Variants in FBXL13 observed in about 807,000 individuals in gnomAD.
FBXL13 encodes the protein F-box and leucine-rich repeat protein 13.
A neutral mutation model predicts 83.6 loss-of-function variants in FBXL13; 67 were observed. That is an observed-to-expected ratio of 0.80 (90% CI 0.66 to 0.98). The LOEUF (loss-of-function observed/expected upper bound fraction) is 0.98, where lower values mean the gene tolerates loss of function less well. FBXL13 is among the 50% of genes least tolerant of loss of function. The probability of loss-of-function intolerance (pLI) is 0.00; values close to 1 mark genes in which losing one functional copy is unlikely to be tolerated. For missense variants in FBXL13, 822 were observed against 866.5 expected (o/e 0.95, Z 0.64); for synonymous variants, 272 against 299.5 (o/e 0.91, Z 0.95).
intron 9 of FBXL13, among the ~76,000 whole-genome samples, chr7:102,927,546 C>T (rs1183774581): frequency 6.6e-6 from 1 of 152,196 alleles, no homozygotes; most frequent in African/African-American, 2.4e-5. Context: ...GTCAGAGCAT[C>T]TGTCACACTC....
At chr7:103,008,652 G>A (rs1020220817) in intron 6 of FBXL13, among the ~76,000 whole-genome samples, 4 of 152,034 alleles carry the variant, frequency 2.6e-5, no homozygotes, top group African/African-American at 9.7e-5. Flanking sequence ...CCGCCTCCAG[G>A]GTTCAAGAGA....
chr7:102,958,035 G>A (rs923631398), intron 8 of FBXL13, among the ~76,000 whole-genome samples: 1 of 152,012 alleles, frequency 6.6e-6, no homozygotes, highest in African/African-American at 2.4e-5. Flanking sequence ...CCCATTACTG[G>A]GTATATACCC....
At chr7:102,921,129 G>A (rs1816916184) in intron 10 of FBXL13, among the ~76,000 whole-genome samples, 1 of 152,144 alleles carries the variant, frequency 6.6e-6, no homozygotes, top group African/African-American at 2.4e-5. Context: ...TCCAGCCTGG[G>A]CAACAGGGCG....
At chr7:102,985,729 A>G (rs976703734) in intron 6 of FBXL13, among the ~76,000 whole-genome samples, 1 of 152,224 alleles carries the variant, frequency 6.6e-6, no homozygotes. Context: ...TCCAGTCAGC[A>G]GTTCACATAA....
intron 11 of FBXL13, among the ~76,000 whole-genome samples, chr7:102,888,245 A>C (rs1200814621): frequency 6.6e-6 from 1 of 152,178 alleles, no homozygotes. Context: ...GACAAGACTG[A>C]AAAGAATTCC....
intron 1 of FBXL13, among the ~76,000 whole-genome samples, chr7:103,063,731 T>TTC (rs1798137915): frequency 2.0e-5 from 3 of 150,302 alleles, no homozygotes; most frequent in Admixed American, 6.6e-5. Flanking sequence ...TTTTTTTTTT[T>TTC]TTCTGTAGAG....
Position 102,973,469 on chromosome 7 carries a change from C to CT in FBXL13, c.496-5353dup. ...CCTGTTTACGGAAGACTATAAAACC[C>CT]TGCCCCCTACTCATTTGGTGCTGAC... is the stretch of plus-strand genomic sequence containing the variant. On this transcript the variant is annotated intron_variant, in intron 6 of 19. Transcript: ENST00000313221. 7 of 756,798 alleles carry CT rather than the reference C, an allele frequency of 9.2e-6. No homozygotes were observed. The South Asian group carries it at 9.6e-5, about 10-fold the overall frequency. The allele number at this position is 756,798 out of a possible 1,614,324, so 46.9% of individuals were successfully genotyped here.
chr7:102,838,508 T>C lies in FBXL13; in HGVS notation c.1720-5534A>G, dbSNP rs190525793. ...CTCTGTCACCCAGGCTGGAGTGCAG[T>C]GGTGTAGGGAAAAGAGAGATCAGAC... On this transcript the variant is annotated intron_variant, in intron 17 of 19. Coordinates refer to ENST00000313221, the Ensembl canonical transcript of FBXL13. Among the ~76,000 whole-genome samples, 288 of 151,978 alleles carry C rather than the reference T, an allele frequency of 1.9e-3. 3 individuals carry two copies. Among genetic ancestry groups the C allele is most frequent in the South Asian group, 0.017 (83 of 4,782 alleles).
chr7:102,931,135 T>G (rs1819093906), intron 9 of FBXL13, among the ~76,000 whole-genome samples: 1 of 152,090 alleles, frequency 6.6e-6, no homozygotes, highest in Admixed American at 6.5e-5. Context: ...AAAGCACCAC[T>G]TGGGGACAAA....
At chr7:102,923,605 G>A (rs189262349) in intron 10 of FBXL13, among the ~76,000 whole-genome samples, 163 of 150,244 alleles carry the variant, frequency 1.1e-3, no homozygotes, top group African/African-American at 3.5e-3. Context: ...GGCGGATCAC[G>A]AGGTCAGGAG....
intron 11 of FBXL13, among the ~76,000 whole-genome samples, chr7:102,912,671 A>ATCCCC (rs1814922725): frequency 1.4e-5 from 1 of 73,538 alleles, no homozygotes; most frequent in Non-Finnish European, 2.9e-5. Context: ...ATAGCATTTT[A>ATCCCC]CCCCCCCCCC....
At chr7:102,826,929 T>C (rs1486038766) in intron 18 of FBXL13, among the ~76,000 whole-genome samples, 2 of 150,952 alleles carry the variant, frequency 1.3e-5, no homozygotes, top group Non-Finnish European at 2.9e-5. Context: ...TATTTGGCTA[T>C]TTCCTAAGAG....
intron 6 of FBXL13, among the ~76,000 whole-genome samples, chr7:102,991,482 T>G (rs1829554161): frequency 6.6e-6 from 1 of 152,176 alleles, no homozygotes; most frequent in Non-Finnish European, 1.5e-5. Flanking sequence ...AATAGAATAC[T>G]TAGCAGCATT....
chr7:102,980,464 A>C lies in FBXL13; in HGVS notation c.496-12347T>G, dbSNP rs533965014. ...CATATAGCAAAATGAAGTCAAAATG[A>C]GATAAATGACCTAAATATAAGAGCT... On this transcript the variant is annotated intron_variant, in intron 6 of 19. Coordinates refer to ENST00000313221, the Ensembl canonical transcript of FBXL13. 4.6e-5 allele frequency among the ~76,000 whole-genome samples: 7 copies of C among 152,342 alleles called. No homozygotes were observed. In the East Asian group the frequency reaches 1.2e-3, roughly 25 times the overall value.
At chr7:103,045,794 G>C (rs1262372752) in intron 2 of FBXL13, among the ~76,000 whole-genome samples, 1 of 152,142 alleles carries the variant, frequency 6.6e-6, no homozygotes, top group Non-Finnish European at 1.5e-5. Context: ...TTTTGGTCAG[G>C]TTCTCACTTA....
At chr7:102,934,499 C>T in intron 8 of FBXL13, 1 of 1,613,546 alleles carries the variant, frequency 6.2e-7, no homozygotes, top group South Asian at 1.1e-5. Flanking sequence ...TGAAAGTCCA[C>T]AAGAACAAAA....
intron 1 of FBXL13, among the ~76,000 whole-genome samples, chr7:103,062,587 C>A (rs1048074906): frequency 1.3e-5 from 2 of 150,964 alleles, no homozygotes; most frequent in African/African-American, 4.9e-5. Context: ...TTCTACCTAT[C>A]TTCAGGTGAC....
chr7:102,826,736 T>TC (rs1447413027), intron 18 of FBXL13, among the ~76,000 whole-genome samples: 6 of 45,510 alleles, frequency 1.3e-4, no homozygotes, highest in African/African-American at 8.4e-4. Context: ...TATATATATA[T>TC]ATATATATAT....
Position 102,878,414 on chromosome 7 carries a change from A to C in FBXL13, c.1425T>G (p.Gly475=), listed in dbSNP as rs181114852. 392 of 1,607,902 alleles carry C rather than the reference A, an allele frequency of 2.4e-4. 1 individual carries two copies. Among genetic ancestry groups the C allele is most frequent in the Non-Finnish European group, 1.2e-4 (144 of 1,177,248 alleles). The change falls in exon 15 of 20, where the codon GGT becomes GGG. Residue 475 remains glycine (G), a synonymous_variant. Transcript: ENST00000313221. ...GCTCTCTTATCCTCATGCTTGCAGGACCATCAAGAAATTGCTTTAGTCCCA... is the reference window on the plus strand; with the variant it reads ...GCTCTCTTATCCTCATGCTTGCAGGCCCATCAAGAAATTGCTTTAGTCCCA...
Sources: allele counts gnomAD v4.1 joint callset (sites outside exome capture counted in the v4.1 genomes callset), GRCh38; gene constraint gnomAD v4.1.1; transcripts MANE v1.5; gene names NCBI Gene and HGNC (gene_info 2026-07-23, HGNC 2026-07-21).